Variants in PEAK1 observed in about 807,000 individuals in gnomAD.
PEAK1 encodes the protein pseudopodium enriched atypical kinase 1, also known as inactive tyrosine-protein kinase PEAK1.
A neutral mutation model predicts 124.7 loss-of-function variants in PEAK1; 54 were observed. The observed-to-expected ratio is 0.43, with a 90% CI of 0.35 to 0.54. The LOEUF (loss-of-function observed/expected upper bound fraction) is 0.54. Among genes scored for constraint, PEAK1 ranks in the 20% least tolerant of loss-of-function variants. The pLI, the probability that PEAK1 is intolerant of heterozygous loss-of-function variation, is 0.01. For synonymous variants in PEAK1, 719 were observed against 760.0 expected (o/e 0.95, Z 0.89); for missense variants, 2,046 against 2,134.5 (o/e 0.96, Z 0.82).
chr15:77,166,255 C>T (rs754986933), intron 7 of PEAK1, among the ~76,000 whole-genome samples: 8 of 152,142 alleles, frequency 5.3e-5, no homozygotes, highest in Non-Finnish European at 1.2e-4. Flanking sequence ...CTACATTTAC[C>T]GAATGCTAGG....
chr15:77,213,536 A>C (rs2059003372), intron 6 of PEAK1, among the ~76,000 whole-genome samples: 1 of 152,038 alleles, frequency 6.6e-6, no homozygotes, highest in Admixed American at 6.5e-5. Flanking sequence ...TAAAACTACA[A>C]AAATTAGCCA....
At chr15:77,226,369 A>C (rs1214200965) in intron 6 of PEAK1, among the ~76,000 whole-genome samples, 1 of 151,870 alleles carries the variant, frequency 6.6e-6, no homozygotes, top group Non-Finnish European at 1.5e-5. Context: ...TTAGGTATTC[A>C]TATGTTTCAC....
intron 2 of PEAK1, among the ~76,000 whole-genome samples, chr15:77,303,011 T>C (rs966614529): frequency 4.6e-5 from 7 of 152,184 alleles, no homozygotes; most frequent in African/African-American, 1.7e-4. Flanking sequence ...GTCATATAAC[T>C]GGACTCACAG....
At chr15:77,419,040 A>T in intron 1 of PEAK1, 1 of 985,432 alleles carries the variant, frequency 1.0e-6, no homozygotes, top group Non-Finnish European at 1.2e-6. Flanking sequence ...GGTTTTCTAT[A>T]GCAAGGCCAA....
At chr15:77,366,528 T>C (rs75654449) in intron 1 of PEAK1, among the ~76,000 whole-genome samples, 15,947 of 152,080 alleles carry the variant, frequency 0.1, 1,127 homozygotes, top group Non-Finnish European at 0.16. Flanking sequence ...ACACTGTTCA[T>C]AGGAATTTAA....
At chr15:77,225,890 T>C (rs977980401) in intron 6 of PEAK1, among the ~76,000 whole-genome samples, 2 of 146,744 alleles carry the variant, frequency 1.4e-5, no homozygotes, top group Admixed American at 1.4e-4. Context: ...AGAATGCAGC[T>C]AGCCATAGTC....
At chr15:77,165,092 G>T (rs557610564) in intron 7 of PEAK1, among the ~76,000 whole-genome samples, 3 of 152,000 alleles carry the variant, frequency 2.0e-5, no homozygotes, top group Non-Finnish European at 4.4e-5. Context: ...GTAGAGACGG[G>T]GTTTCACTGT....
At chr15:77,119,237 G>A (rs776947429) in intron 9 of PEAK1, among the ~76,000 whole-genome samples, 80 of 152,192 alleles carry the variant, frequency 5.3e-4, no homozygotes, top group Admixed American at 1.7e-3. Context: ...GGAAATGCCC[G>A]CTTGAGCTAT....
intron 5 of PEAK1, among the ~76,000 whole-genome samples, chr15:77,256,441 C>CA (rs2152930872): frequency 6.6e-6 from 1 of 151,244 alleles, no homozygotes; most frequent in African/African-American, 2.4e-5. Flanking sequence ...AATGGAAATA[C>CA]AATGGTCTAC....
chr15:77,147,523 T>TA (rs2054256532), intron 8 of PEAK1, among the ~76,000 whole-genome samples: 1 of 152,080 alleles, frequency 6.6e-6, no homozygotes, highest in South Asian at 2.1e-4. Flanking sequence ...TATGCCACAT[T>TA]AAAAAAACAG....
chr15:77,175,997 G>A lies in PEAK1; in HGVS notation c.3137+2793C>T, dbSNP rs140512372. 5.7e-3 allele frequency among the ~76,000 whole-genome samples: 871 copies of A among 151,742 alleles called. 3 individuals are homozygous for A. Among genetic ancestry groups the A allele is most frequent in the Non-Finnish European group, 9.2e-3 (622 of 67,962 alleles). ...AAATCATCATTCTCAGTAAACTATC[G>A]CAAGGACAAAAAACCAAACACTGCA... is the stretch of plus-strand genomic sequence containing the variant. On this transcript the variant is annotated intron_variant, in intron 7 of 9. Coordinates refer to ENST00000682557, the MANE Select transcript of PEAK1 (RefSeq NM_001385026.1).
intron 7 of PEAK1, among the ~76,000 whole-genome samples, chr15:77,172,224 T>C (rs1240302079): frequency 2.0e-5 from 3 of 152,200 alleles, no homozygotes; most frequent in African/African-American, 7.2e-5. Flanking sequence ...TATAATTTTA[T>C]AATATCATGC....
intron 7 of PEAK1, among the ~76,000 whole-genome samples, chr15:77,165,689 G>A (rs955127713): frequency 6.6e-6 from 1 of 152,202 alleles, no homozygotes. Context: ...GGAAATGGAT[G>A]TAGGGCAGGA....
intron 6 of PEAK1, among the ~76,000 whole-genome samples, chr15:77,226,452 T>C (rs1408426685): frequency 6.6e-6 from 1 of 151,998 alleles, no homozygotes; most frequent in Non-Finnish European, 1.5e-5. Context: ...TACCAGTATA[T>C]CTGTTCTTAA....
chr15:77,387,322 G>A (rs977874226), intron 1 of PEAK1, among the ~76,000 whole-genome samples: 3 of 152,170 alleles, frequency 2.0e-5, no homozygotes, highest in Admixed American at 1.3e-4. Context: ...CTGCCTAGGT[G>A]TAAATATAAT....
intron 1 of PEAK1, chr15:77,417,458 G>GT: frequency 1.1e-6 from 1 of 870,948 alleles, no homozygotes; most frequent in Non-Finnish European, 1.4e-6. Flanking sequence ...GGGATGCGGG[G>GT]CGGGGGGGGA....
intron 1 of PEAK1, among the ~76,000 whole-genome samples, chr15:77,380,031 T>C (rs1409032888): frequency 2.0e-5 from 3 of 152,220 alleles, no homozygotes; most frequent in Non-Finnish European, 4.4e-5. Flanking sequence ...AAATGTAAAA[T>C]CCTTACTATA....
rs186024307 is a variant in PEAK1, at chr15:77,263,460, G to A, written c.-274-10934C>T. On this transcript the variant is annotated intron_variant, in intron 5 of 9. Coordinates refer to ENST00000682557, the MANE Select transcript of PEAK1 (RefSeq NM_001385026.1). Reference sequence around the variant, plus strand: ...CCCACAGAAATACAAACTACCATCAGAGAATACTATAAACACCTCTACACA... The same window carrying A: ...CCCACAGAAATACAAACTACCATCAAAGAATACTATAAACACCTCTACACA... 2.8e-3 allele frequency among the ~76,000 whole-genome samples: 420 copies of A among 152,272 alleles called. 1 individual carries two copies. The highest frequency in any genetic ancestry group is 4.2e-3 in the Non-Finnish European group (288 of 68,012).
intron 6 of PEAK1, among the ~76,000 whole-genome samples, chr15:77,249,682 G>A (rs2060753542): frequency 6.6e-6 from 1 of 152,108 alleles, no homozygotes; most frequent in African/African-American, 2.4e-5. Context: ...AGTATAGAGA[G>A]ATGAAGTTCT....
Sources: gnomAD v4.1 joint callset for allele counts (sites outside exome capture counted in the v4.1 genomes callset) on GRCh38, gnomAD v4.1.1 for gene constraint, MANE v1.5 for transcripts, NCBI Gene and HGNC (gene_info 2026-07-23, HGNC 2026-07-21) for gene names.